Variants in HIPK2 observed in about 807,000 individuals in gnomAD.
HIPK2 encodes the protein homeodomain interacting protein kinase 2.
Under a neutral mutation model 113.7 loss-of-function variants are expected in HIPK2, and 27 were observed. The ratio of observed to expected loss-of-function variants is 0.24; its 90% CI spans 0.17 to 0.33. The LOEUF is 0.33. Ranked by LOEUF, HIPK2 falls within the 10% of genes least tolerant of loss-of-function variation. The pLI is 1.00. For synonymous variants in HIPK2, 631 were observed against 642.2 expected, an observed-to-expected ratio of 0.98 and a Z score of 0.26; for missense variants, 1,257 against 1,588.0, an observed-to-expected ratio of 0.79 and a Z score of 3.54.
chr7:139,754,927 G>T (rs1362840889), intron 1 of HIPK2, among the ~76,000 whole-genome samples: 1 of 152,150 alleles, frequency 6.6e-6, no homozygotes, highest in South Asian at 2.1e-4. Context: ...AGCCTGGATG[G>T]TTCATACGGA....
chr7:139,574,581 TCCA>T (rs1798425293), intron 14 of HIPK2, among the ~76,000 whole-genome samples: 1 of 152,088 alleles, frequency 6.6e-6, no homozygotes, highest in Non-Finnish European at 1.5e-5. Context: ...GGGCCCTGAG[TCCA>T]CCACGTGAGT....
chr7:139,699,032 G>A (rs1198623678), intron 2 of HIPK2, among the ~76,000 whole-genome samples: 1 of 151,992 alleles, frequency 6.6e-6, no homozygotes, highest in South Asian at 2.1e-4. Context: ...TAAAAACGAC[G>A]ACCCACGCAG....
chr7:139,777,460 G>T, intron 1 of HIPK2, 145 bp downstream of exon 1: 1 of 188,884 alleles, frequency 5.3e-6, no homozygotes, highest in Non-Finnish European at 1.0e-5. Context: ...TTCCGGGCGA[G>T]GGAGGGGGTC....
At chr7:139,644,869 G>A (rs1801153491) in intron 2 of HIPK2, among the ~76,000 whole-genome samples, 1 of 152,226 alleles carries the variant, frequency 6.6e-6, no homozygotes, top group East Asian at 1.9e-4. Flanking sequence ...CATGAGATGT[G>A]AGGCTGGGGA....
Position 139,653,694 on chromosome 7 carries a change from T to TG in HIPK2, c.1104-21970dup, listed in dbSNP as rs558100532. On this transcript the variant is annotated intron_variant, in intron 2 of 14. Transcript: ENST00000406875. ...TACAATGTTTTTTTCTTTCCAAAGG[T>TG]GGGGGGAACAAAACATGCTCCTCTG... Among the ~76,000 whole-genome samples, 67 of 151,538 alleles carry TG rather than the reference T, an allele frequency of 4.4e-4. No homozygotes were observed. The South Asian group carries it at 5.2e-3, about 12-fold the overall frequency.
intron 1 of HIPK2, among the ~76,000 whole-genome samples, chr7:139,768,456 T>C (rs192827510): frequency 1.2e-4 from 19 of 152,206 alleles, no homozygotes; most frequent in Non-Finnish European, 2.4e-4. Flanking sequence ...GTTTTTTTTT[T>C]AAAGCTGCTT....
intron 1 of HIPK2, among the ~76,000 whole-genome samples, chr7:139,749,072 T>C (rs978244640): frequency 6.6e-6 from 1 of 152,232 alleles, no homozygotes; most frequent in Non-Finnish European, 1.5e-5. Flanking sequence ...ACAATTGTCA[T>C]GGTCACAAGT....
chr7:139,621,747 C>T (rs995354923), intron 6 of HIPK2, among the ~76,000 whole-genome samples: 2 of 151,680 alleles, frequency 1.3e-5, no homozygotes, highest in African/African-American at 2.4e-5. Context: ...TAGGGAGATC[C>T]TATTCTCTAC....
Position 139,662,104 on chromosome 7 carries a change from T to C in HIPK2, c.1104-30379A>G, listed in dbSNP as rs116541767. 4.5e-3 allele frequency among the ~76,000 whole-genome samples: 679 copies of C among 152,360 alleles called. 5 individuals are homozygous for C. Among genetic ancestry groups the C allele is most frequent in the African/African-American group, 0.016 (667 of 41,578 alleles). On this transcript the variant is annotated intron_variant, in intron 2 of 14. Coordinates refer to ENST00000406875, the MANE Select transcript of HIPK2 (RefSeq NM_022740.5). Reference sequence around the variant, plus strand: ...ACCCACAAACGTGCTAAAAAGCCTTTTATGTCTTCATTCAATTCACTCACA... The same window carrying C: ...ACCCACAAACGTGCTAAAAAGCCTTCTATGTCTTCATTCAATTCACTCACA...
chr7:139,689,504 T>C (rs959125817), intron 2 of HIPK2, among the ~76,000 whole-genome samples: 3 of 152,218 alleles, frequency 2.0e-5, no homozygotes, highest in African/African-American at 7.2e-5. Context: ...CATTTATATG[T>C]ATTAGCTAAA....
chr7:139,740,496 CA>C (rs1317948400), intron 1 of HIPK2, among the ~76,000 whole-genome samples: 3 of 152,226 alleles, frequency 2.0e-5, no homozygotes, highest in Admixed American at 2.0e-4. Flanking sequence ...TGCTCCTGGT[CA>C]AAGCCTCGGA....
intron 2 of HIPK2, among the ~76,000 whole-genome samples, chr7:139,679,696 TG>T (rs1373586875): frequency 2.0e-5 from 3 of 152,216 alleles, no homozygotes; most frequent in African/African-American, 7.2e-5. Flanking sequence ...GTATTCCTAC[TG>T]AAGCTTGAAA....
At chr7:139,654,167 T>G (rs1801574484) in intron 2 of HIPK2, among the ~76,000 whole-genome samples, 1 of 152,168 alleles carries the variant, frequency 6.6e-6, no homozygotes, top group Non-Finnish European at 1.5e-5. Context: ...CAGCATGAGA[T>G]ACACATAAAA....
At chr7:139,579,876 G>T (rs922331361) in intron 13 of HIPK2, among the ~76,000 whole-genome samples, 3 of 152,078 alleles carry the variant, frequency 2.0e-5, no homozygotes, top group Non-Finnish European at 4.4e-5. Context: ...GGGAGATCCG[G>T]AATCAGTATT....
chr7:139,711,008 T>A (rs1304298383), intron 2 of HIPK2, among the ~76,000 whole-genome samples: 2 of 151,902 alleles, frequency 1.3e-5, no homozygotes, highest in Non-Finnish European at 2.9e-5. Context: ...AAACCTTTTT[T>A]TTTTTAATAA....
At chr7:139,583,722 G>A (rs750273093) in intron 13 of HIPK2, 95 bp downstream of exon 13, 2 of 1,532,598 alleles carry the variant, frequency 1.3e-6, no homozygotes. Context: ...ACTTTCTATT[G>A]TACTAGCTCC....
intron 12 of HIPK2, among the ~76,000 whole-genome samples, chr7:139,585,951 A>AT (rs1798820822): frequency 6.6e-6 from 1 of 152,214 alleles, no homozygotes; most frequent in Non-Finnish European, 1.5e-5. Context: ...CTATACAAAG[A>AT]AATATGTGTC....
In HIPK2 at chr7:139,565,837, T is replaced by C. The variant is rs1480412634; in HGVS notation, c.*7090A>G. ...TCTGCCCAGAGCTGAAGAGTGAATC[T>C]ATTACAGAGATCAGAGCTGTCAGGA... is the stretch of plus-strand genomic sequence containing the variant. On this transcript the variant is annotated 3_prime_UTR_variant, in exon 15 of 15. Transcript: ENST00000406875. 2.6e-5 allele frequency: 4 copies of C among 152,076 alleles called. No homozygotes were observed. The highest frequency in any genetic ancestry group is 9.7e-5 in the African/African-American group (4 of 41,404). 9.4% of individuals were successfully genotyped at this position (152,076 alleles called of 1,614,324 possible).
chr7:139,658,572 AC>A lies in HIPK2; in HGVS notation c.1104-26848del, dbSNP rs563066659. Among the ~76,000 whole-genome samples the A allele has an allele frequency of 8.5e-5, 13 of 152,346 alleles. No individual in the cohort carries two copies. The East Asian group carries it at 2.5e-3, about 29-fold the overall frequency. Reference sequence around the variant, plus strand: ...CTAATTTAATGCCCACACTAGTTTAACCTATTTTATAAACCAAATACCAGAA... The same window carrying A: ...CTAATTTAATGCCCACACTAGTTTAACTATTTTATAAACCAAATACCAGAA... On this transcript the variant is annotated intron_variant, in intron 2 of 14. Transcript: ENST00000406875.
Sources: allele counts gnomAD v4.1 joint callset (sites outside exome capture counted in the v4.1 genomes callset), GRCh38; gene constraint gnomAD v4.1.1; transcripts MANE v1.5; gene names NCBI Gene and HGNC (gene_info 2026-07-23, HGNC 2026-07-21).